Variants in EIF3H observed in about 807,000 individuals in gnomAD.
The protein encoded by EIF3H is eukaryotic translation initiation factor 3 subunit H, also known as eIF-3-gamma.
Under a neutral mutation model 44.2 loss-of-function variants are expected in EIF3H, and 26 were observed. The ratio of observed to expected loss-of-function variants is 0.59; its 90% CI spans 0.43 to 0.82. The LOEUF (loss-of-function observed/expected upper bound fraction) is 0.82. Ranked by LOEUF, EIF3H falls within the 40% of genes least tolerant of loss-of-function variation. The probability of loss-of-function intolerance (pLI) is 0.00; values close to 1 mark genes in which losing one functional copy is unlikely to be tolerated. For synonymous variants in EIF3H, 166 were observed against 151.9 expected (o/e 1.09, Z -0.68); for missense variants, 359 against 432.8 (o/e 0.83, Z 1.51).
At chr8:116,741,142 T>C (rs530935302) in intron 1 of EIF3H, among the ~76,000 whole-genome samples, 24 of 152,316 alleles carry the variant, frequency 1.6e-4, no homozygotes, top group Non-Finnish European at 2.6e-4. Context: ...CCTATTCTCA[T>C]TCATTCATCT....
chr8:116,685,016 C>A (rs1259893534), intron 2 of EIF3H, among the ~76,000 whole-genome samples: 1 of 152,076 alleles, frequency 6.6e-6, no homozygotes, highest in Non-Finnish European at 1.5e-5. Flanking sequence ...TGTTTTCATA[C>A]AGAGTATAGA....
At chr8:116,680,358 G>C (rs1813960914) in intron 2 of EIF3H, among the ~76,000 whole-genome samples, 1 of 59,566 alleles carries the variant, frequency 1.7e-5, no homozygotes, top group African/African-American at 5.7e-5. Context: ...GGGCCATGAT[G>C]ACAATGGCGG....
chr8:116,719,258 A>G (rs1814706046), intron 2 of EIF3H, among the ~76,000 whole-genome samples: 2 of 152,180 alleles, frequency 1.3e-5, no homozygotes, highest in African/African-American at 4.8e-5. Context: ...TTCTGAATAA[A>G]AGACAGTTAC....
intron 1 of EIF3H, among the ~76,000 whole-genome samples, chr8:116,743,761 A>AATACATAC (rs1389067339): frequency 2.5e-4 from 23 of 91,428 alleles, no homozygotes; most frequent in African/African-American, 7.7e-4. Context: ...CTGTCTCAAA[A>AATACATAC]ATACATACAT....
At chr8:116,740,028 A>C (rs994501943) in intron 1 of EIF3H, among the ~76,000 whole-genome samples, 1 of 152,220 alleles carries the variant, frequency 6.6e-6, no homozygotes, top group African/African-American at 2.4e-5. Context: ...TATCACTTGG[A>C]TATCACAGCA....
rs143426632 is a variant in EIF3H, at chr8:116,717,246, T to C, written c.289+8770A>G. ...TACAAAACACTGCTCAAAGAAAACATAGACTACACAAACAAATGGAAACAC... is the reference window on the plus strand; with the variant it reads ...TACAAAACACTGCTCAAAGAAAACACAGACTACACAAACAAATGGAAACAC... On this transcript the variant is annotated intron_variant, in intron 2 of 7. Transcript: ENST00000521861. 8.3e-3 allele frequency among the ~76,000 whole-genome samples: 1,257 copies of C among 152,082 alleles called. 16 individuals are homozygous for C. Among genetic ancestry groups the C allele is most frequent in the African/African-American group, 0.026 (1,084 of 41,526 alleles).
chr8:116,719,026 C>T (rs552976162), intron 2 of EIF3H, among the ~76,000 whole-genome samples: 1 of 152,044 alleles, frequency 6.6e-6, no homozygotes, highest in Non-Finnish European at 1.5e-5. Flanking sequence ...AAAATGAAGA[C>T]AGAAATAATT....
chr8:116,684,976 G>A lies in EIF3H; in HGVS notation c.290-25996C>T, dbSNP rs561481805. Among the ~76,000 whole-genome samples the A allele has an allele frequency of 2.0e-5, 3 of 152,172 alleles. No homozygotes were observed. In the Middle Eastern group the frequency reaches 0.01, roughly 518 times the overall value. On this transcript the variant is annotated intron_variant, in intron 2 of 7. Coordinates refer to ENST00000521861, the MANE Select transcript of EIF3H (RefSeq NM_003756.3). The stretch of plus-strand genomic sequence containing the variant: ...TACTAATTTACTATTTATTCGTAAG[G>A]GATACTTCTTAAAAGGTATTTTTCC...
chr8:116,680,419 A>C (rs1653737510), intron 2 of EIF3H, among the ~76,000 whole-genome samples: 1 of 69,550 alleles, frequency 1.4e-5, no homozygotes, highest in African/African-American at 5.0e-5. Flanking sequence ...GAGAAATCGG[A>C]TGGTTGCCGG....
intron 2 of EIF3H, among the ~76,000 whole-genome samples, chr8:116,659,266 G>A (rs558155614): frequency 3.9e-5 from 6 of 152,212 alleles, no homozygotes; most frequent in African/African-American, 7.2e-5. Flanking sequence ...TAAATGTGGC[G>A]TCTAACTCCC....
At chr8:116,726,651 A>T (rs1481303373) in intron 1 of EIF3H, among the ~76,000 whole-genome samples, 1 of 152,200 alleles carries the variant, frequency 6.6e-6, no homozygotes, top group Non-Finnish European at 1.5e-5. Flanking sequence ...GATCATCTCC[A>T]TAGTCAGAGG....
chr8:116,748,868 T>C (rs1239378144), intron 1 of EIF3H, among the ~76,000 whole-genome samples: 13 of 152,234 alleles, frequency 8.5e-5, no homozygotes, highest in Non-Finnish European at 1.9e-4. Flanking sequence ...TTTAATACAA[T>C]GTAAATGCTA....
chr8:116,733,682 T>G (rs1196491864), intron 1 of EIF3H, among the ~76,000 whole-genome samples: 1 of 152,178 alleles, frequency 6.6e-6, no homozygotes, highest in East Asian at 1.9e-4. Flanking sequence ...TCTTATACAT[T>G]GATATCTGCA....
At chr8:116,680,271 C>T (rs1813958418) in intron 2 of EIF3H, among the ~76,000 whole-genome samples, 1 of 49,568 alleles carries the variant, frequency 2.0e-5, no homozygotes, top group African/African-American at 6.2e-5. Flanking sequence ...GCCCGGCCGC[C>T]CCTACTGGGA....
intron 1 of EIF3H, among the ~76,000 whole-genome samples, chr8:116,736,313 G>A (rs1280867807): frequency 6.6e-6 from 1 of 152,158 alleles, no homozygotes; most frequent in African/African-American, 2.4e-5. Context: ...CTTGATTGTG[G>A]TAGCAGTTAA....
intron 1 of EIF3H, among the ~76,000 whole-genome samples, chr8:116,738,211 A>C (rs1243318966): frequency 6.6e-6 from 1 of 152,212 alleles, no homozygotes; most frequent in African/African-American, 2.4e-5. Flanking sequence ...GTGGAGTTTC[A>C]CAAAATAGAA....
chr8:116,722,831 C>G (rs1432674620), intron 2 of EIF3H, among the ~76,000 whole-genome samples: 1 of 152,114 alleles, frequency 6.6e-6, no homozygotes, highest in Non-Finnish European at 1.5e-5. Flanking sequence ...GTTTTCCAAT[C>G]TGTAAAATTA....
At chr8:116,686,729 C>T (rs1283657023) in intron 2 of EIF3H, among the ~76,000 whole-genome samples, 1 of 151,816 alleles carries the variant, frequency 6.6e-6, no homozygotes, top group Non-Finnish European at 1.5e-5. Flanking sequence ...TTAGGAAAGG[C>T]TTTGCAGAGG....
intron 5 of EIF3H, among the ~76,000 whole-genome samples, chr8:116,654,191 T>C (rs904939579): frequency 6.6e-6 from 1 of 152,200 alleles, no homozygotes; most frequent in Non-Finnish European, 1.5e-5. Context: ...TAACTTCATA[T>C]GGAAAGCAAA....
Sources: gnomAD v4.1 joint callset for allele counts (sites outside exome capture counted in the v4.1 genomes callset) on GRCh38, gnomAD v4.1.1 for gene constraint, MANE v1.5 for transcripts, NCBI Gene and HGNC (gene_info 2026-07-23, HGNC 2026-07-21) for gene names.